The following GALNTL6 variants were observed in gnomAD, a reference collection of about 807,000 sequenced individuals.
GALNTL6 encodes polypeptide N-acetylgalactosaminyltransferase-like 6.
In GALNTL6, 46 loss-of-function variants were observed where a neutral mutation model predicts 73.7. The observed-to-expected ratio is 0.62, with a 90% confidence interval of 0.49 to 0.80. The LOEUF (loss-of-function observed/expected upper bound fraction) is 0.80. Among genes scored for constraint, GALNTL6 ranks in the 30% least tolerant of loss-of-function variants. The probability of loss-of-function intolerance (pLI) is 0.00; values close to 1 mark genes in which losing one functional copy is unlikely to be tolerated. For missense variants in GALNTL6, 604 were observed against 755.0 expected (o/e 0.80, Z 2.34); for synonymous variants, 259 against 263.7 (o/e 0.98, Z 0.17).
intron 5 of GALNTL6, among the ~76,000 whole-genome samples, chr4:172,413,787 G>T (rs1351116377): frequency 2.0e-5 from 3 of 151,450 alleles, no homozygotes; most frequent in African/African-American, 7.3e-5. Context: ...GCATTAAATT[G>T]CCATAGGTTT....
chr4:172,222,784 T>C (rs1736728405), intron 2 of GALNTL6, among the ~76,000 whole-genome samples: 1 of 151,938 alleles, frequency 6.6e-6, no homozygotes, highest in African/African-American at 2.4e-5. Context: ...AAGGATAAAT[T>C]TGCAAGTTCC....
chr4:172,144,052 C>T (rs1368045637), intron 2 of GALNTL6, among the ~76,000 whole-genome samples: 1 of 152,168 alleles, frequency 6.6e-6, no homozygotes, highest in Non-Finnish European at 1.5e-5. Context: ...TCTCTCTATA[C>T]ACATTGTTCC....
intron 5 of GALNTL6, among the ~76,000 whole-genome samples, chr4:172,793,080 C>A (rs58514649): frequency 0.54 from 82,268 of 151,976 alleles, 25,826 homozygotes; most frequent in Non-Finnish European, 0.7. Context: ...CTGAGGACTG[C>A]ACCCTGTATT....
chr4:172,023,260 AAT>A (rs147809450), intron 2 of GALNTL6, among the ~76,000 whole-genome samples: 20 of 150,174 alleles, frequency 1.3e-4, no homozygotes, highest in Non-Finnish European at 1.8e-4. Flanking sequence ...GTGTATTGAA[AAT>A]ATATATATAT....
chr4:172,752,361 T>A (rs1485582244), intron 5 of GALNTL6, among the ~76,000 whole-genome samples: 1 of 152,132 alleles, frequency 6.6e-6, no homozygotes. Flanking sequence ...ACAATATGGT[T>A]AGCATTTTGG....
At chr4:172,476,229 G>A (rs1733224900) in intron 5 of GALNTL6, among the ~76,000 whole-genome samples, 1 of 152,200 alleles carries the variant, frequency 6.6e-6, no homozygotes, top group African/African-American at 2.4e-5. Flanking sequence ...ACACTTCCTC[G>A]TTCATAGAAA....
chr4:172,975,890 C>T (rs868052281), intron 10 of GALNTL6, among the ~76,000 whole-genome samples: 7 of 152,136 alleles, frequency 4.6e-5, no homozygotes, highest in African/African-American at 1.4e-4. Flanking sequence ...GTAGGCACTT[C>T]GGAGCCTGCA....
chr4:172,476,922 CTTTT>C, intron 5 of GALNTL6, among the ~76,000 whole-genome samples: 1 of 113,346 alleles, frequency 8.8e-6, no homozygotes, highest in African/African-American at 3.4e-5. Context: ...GCTTAAGAGA[CTTTT>C]TTTTTTTTTT....
At chr4:172,034,879 T>C (rs528316809) in intron 2 of GALNTL6, among the ~76,000 whole-genome samples, 1 of 152,284 alleles carries the variant, frequency 6.6e-6, no homozygotes, top group East Asian at 1.9e-4. Context: ...TATGTCTTCA[T>C]GCTGCTAAAT....
chr4:172,600,630 G>A (rs1360837473), intron 5 of GALNTL6, among the ~76,000 whole-genome samples: 2 of 152,132 alleles, frequency 1.3e-5, no homozygotes, highest in Non-Finnish European at 2.9e-5. Context: ...TACTACTGGA[G>A]GATAGTAGGC....
intron 2 of GALNTL6, among the ~76,000 whole-genome samples, chr4:172,142,811 A>G (rs1363467912): frequency 3.9e-5 from 6 of 152,058 alleles, no homozygotes; most frequent in Non-Finnish European, 8.8e-5. Flanking sequence ...AATTATTTGA[A>G]TAGACAAGAA....
intron 2 of GALNTL6, among the ~76,000 whole-genome samples, chr4:172,028,559 C>T (rs1235835619): frequency 6.6e-6 from 1 of 151,848 alleles, no homozygotes; most frequent in Non-Finnish European, 1.5e-5. Context: ...ATTATTACTC[C>T]TGATATGGAA....
intron 7 of GALNTL6, among the ~76,000 whole-genome samples, chr4:172,833,405 A>C (rs966807174): frequency 1.3e-5 from 2 of 152,310 alleles, no homozygotes; most frequent in South Asian, 2.1e-4. Flanking sequence ...TGGGGAAGGC[A>C]TCTTTTCTTA....
chr4:172,443,958 T>C (rs1355219650), intron 5 of GALNTL6, among the ~76,000 whole-genome samples: 1 of 152,110 alleles, frequency 6.6e-6, no homozygotes, highest in Non-Finnish European at 1.5e-5. Context: ...TAATTGAATT[T>C]TAGATAAATC....
At chr4:172,409,618 C>T (rs1386598829) in intron 5 of GALNTL6, among the ~76,000 whole-genome samples, 1 of 151,842 alleles carries the variant, frequency 6.6e-6, no homozygotes, top group Non-Finnish European at 1.5e-5. Flanking sequence ...CTAATGAGAA[C>T]ATTTCAATGA....
intron 5 of GALNTL6, among the ~76,000 whole-genome samples, chr4:172,633,781 C>T (rs1739519130): frequency 1.3e-5 from 2 of 152,020 alleles, no homozygotes; most frequent in African/African-American, 2.4e-5. Context: ...AGGACAGGGC[C>T]GGGTGGAGAT....
At chr4:172,162,325 T>G (rs1734496381) in intron 2 of GALNTL6, among the ~76,000 whole-genome samples, 1 of 151,926 alleles carries the variant, frequency 6.6e-6, no homozygotes, top group South Asian at 2.1e-4. Context: ...CAATATTATC[T>G]GTGAAATTAG....
At chr4:171,954,208 C>T (rs1011159088) in intron 2 of GALNTL6, among the ~76,000 whole-genome samples, 1 of 152,160 alleles carries the variant, frequency 6.6e-6, no homozygotes, top group Non-Finnish European at 1.5e-5. Context: ...CTATTCATAA[C>T]TCATTGGGTT....
intron 5 of GALNTL6, among the ~76,000 whole-genome samples, chr4:172,481,383 A>G (rs970550860): frequency 6.6e-6 from 1 of 151,880 alleles, no homozygotes; most frequent in Non-Finnish European, 1.5e-5. Context: ...TATTGCAAAG[A>G]GCAAAAGAGC....
Sources: gnomAD v4.1 joint callset for allele counts (sites outside exome capture counted in the v4.1 genomes callset) on GRCh38, gnomAD v4.1.1 for gene constraint, MANE v1.5 for transcripts, NCBI Gene and HGNC (gene_info 2026-07-23, HGNC 2026-07-21) for gene names.